The following CNTN3 variants were observed in gnomAD, a reference collection of about 807,000 sequenced individuals.
The protein encoded by CNTN3 is contactin-3.
In CNTN3, 60 loss-of-function variants were observed where a neutral mutation model predicts 119.1. The ratio of observed to expected loss-of-function variants is 0.50; its 90% CI spans 0.41 to 0.62. The LOEUF is 0.62. CNTN3 is among the 20% of genes least tolerant of loss of function. The probability of loss-of-function intolerance (pLI) is 0.00; values close to 1 mark genes in which losing one functional copy is unlikely to be tolerated. For synonymous variants in CNTN3, 450 were observed against 438.7 expected, an observed-to-expected ratio of 1.03 and a Z score of -0.32; for missense variants, 1,101 against 1,242.4, an observed-to-expected ratio of 0.89 and a Z score of 1.71.
chr3:74,440,338 C>T (rs1035800354), intron 4 of CNTN3, among the ~76,000 whole-genome samples: 1 of 152,108 alleles, frequency 6.6e-6, no homozygotes, highest in Admixed American at 6.5e-5. Context: ...TCTTATACCC[C>T]TATATTAATC....
chr3:74,528,892 T>C (rs988718695), intron 1 of CNTN3, among the ~76,000 whole-genome samples: 4 of 151,834 alleles, frequency 2.6e-5, no homozygotes, highest in Non-Finnish European at 4.4e-5. Flanking sequence ...ATCCCTATAA[T>C]AGGCACGAAT....
At chr3:74,318,649 C>T (rs1478141775) in intron 13 of CNTN3, among the ~76,000 whole-genome samples, 1 of 152,144 alleles carries the variant, frequency 6.6e-6, no homozygotes, top group African/African-American at 2.4e-5. Flanking sequence ...GGCTGCAGAA[C>T]AGCGGTGGCT....
intron 5 of CNTN3, among the ~76,000 whole-genome samples, chr3:74,392,426 C>T (rs528604757): frequency 1.4e-4 from 21 of 150,650 alleles, no homozygotes; most frequent in Middle Eastern, 3.4e-3. Context: ...TTTCTTTCTT[C>T]CTTCCTTTCA....
At chr3:74,582,110 T>G (rs565006165) in intron 1 of CNTN3, among the ~76,000 whole-genome samples, 1 of 152,166 alleles carries the variant, frequency 6.6e-6, no homozygotes, top group East Asian at 1.9e-4. Flanking sequence ...TTTCTTCTCA[T>G]AAAAATATCA....
At chr3:74,489,749 T>C (rs963041511) in intron 3 of CNTN3, among the ~76,000 whole-genome samples, 1 of 150,328 alleles carries the variant, frequency 6.7e-6, no homozygotes, top group African/African-American at 2.4e-5. Context: ...TGACACCCAC[T>C]GCATGACCAT....
At chr3:74,547,530 C>T (rs563891944) in intron 1 of CNTN3, among the ~76,000 whole-genome samples, 1 of 152,244 alleles carries the variant, frequency 6.6e-6, no homozygotes, top group African/African-American at 2.4e-5. Flanking sequence ...CAAATGTTAT[C>T]ACTTTTTTAC....
chr3:74,601,767 C>T (rs1368633374), intron 1 of CNTN3, among the ~76,000 whole-genome samples: 2 of 151,946 alleles, frequency 1.3e-5, no homozygotes, highest in African/African-American at 4.8e-5. Flanking sequence ...TTGTTATGGC[C>T]AACAGTATGA....
chr3:74,436,831 A>G lies in CNTN3; in HGVS notation c.359-11891T>C, dbSNP rs369109391. 7.2e-5 allele frequency among the ~76,000 whole-genome samples: 11 copies of G among 152,310 alleles called. No individual in the cohort carries two copies. In the East Asian group the frequency reaches 1.7e-3, roughly 24 times the overall value. On this transcript the variant is annotated intron_variant, in intron 4 of 22. Transcript: ENST00000263665. ...TTCAGAAATATTTTTTAAATAACTC[A>G]ATTGCAAAGTAAAACAGCAATTGGA...
chr3:74,563,265 C>T (rs989605042), intron 1 of CNTN3, among the ~76,000 whole-genome samples: 5 of 152,090 alleles, frequency 3.3e-5, no homozygotes, highest in Admixed American at 2.0e-4. Context: ...ACCCAGTAAG[C>T]CCAAAGTGGG....
intron 5 of CNTN3, among the ~76,000 whole-genome samples, chr3:74,419,457 G>C (rs2106886874): frequency 6.6e-6 from 1 of 152,224 alleles, no homozygotes; most frequent in African/African-American, 2.4e-5. Context: ...TGGGCATGTT[G>C]CTAACAGTTC....
chr3:74,425,637 C>T (rs547749710), intron 4 of CNTN3, among the ~76,000 whole-genome samples: 1 of 152,180 alleles, frequency 6.6e-6, no homozygotes, highest in Non-Finnish European at 1.5e-5. Context: ...ATGACTTTCA[C>T]ATTCACCAGT....
At chr3:74,593,118 TGA>T (rs1243504076) in intron 1 of CNTN3, among the ~76,000 whole-genome samples, 2 of 151,978 alleles carry the variant, frequency 1.3e-5, no homozygotes, top group Admixed American at 6.6e-5. Flanking sequence ...GCAAATTAAC[TGA>T]GAGTTTTATA....
At chr3:74,377,991 A>G (rs1002268042) in intron 5 of CNTN3, among the ~76,000 whole-genome samples, 1 of 152,252 alleles carries the variant, frequency 6.6e-6, no homozygotes, top group African/African-American at 2.4e-5. Context: ...AATTCTGTCA[A>G]ACAAAATTGC....
Position 74,505,345 on chromosome 3 carries a change from C to T in CNTN3, c.56-5560G>A, listed in dbSNP as rs147553701. Among the ~76,000 whole-genome samples the T allele has an allele frequency of 1.2e-4, 18 of 152,160 alleles. 1 individual carries two copies. The highest frequency in any genetic ancestry group is 3.9e-4 in the African/African-American group (16 of 41,516). ...ATTTTGTTTTGAAGTAAATAAAATG[C>T]TGACCTTGCTTTGCTTCCTTTTTGA... On this transcript the variant is annotated intron_variant, in intron 2 of 22. Coordinates refer to ENST00000263665, the MANE Select transcript of CNTN3 (RefSeq NM_020872.3).
intron 13 of CNTN3, among the ~76,000 whole-genome samples, chr3:74,320,278 A>C (rs538148930): frequency 6.6e-6 from 1 of 152,218 alleles, no homozygotes; most frequent in African/African-American, 2.4e-5. Context: ...CAAATGTCCA[A>C]CAACGATAGA....
intron 4 of CNTN3, 140 bp downstream of exon 4, chr3:74,486,316 A>C (rs1170012397): frequency 1.3e-6 from 1 of 745,248 alleles, no homozygotes; most frequent in Non-Finnish European, 2.1e-6. Context: ...AATGTCCAAA[A>C]ATCATACTGA....
Position 74,460,756 on chromosome 3 carries a change from TTTTA to T in CNTN3, c.358+25696_358+25699del, listed in dbSNP as rs375058177. On this transcript the variant is annotated intron_variant, in intron 4 of 22. Transcript: ENST00000263665. ...AGTTACCATCTAAAAGTAGAGATAG[TTTTA>T]TTTCTTATTTTCATATATATATATA... Among the ~76,000 whole-genome samples the T allele has an allele frequency of 2.0e-3, 267 of 135,976 alleles. 10 individuals are homozygous for T. In the East Asian group the frequency reaches 0.048, roughly 24 times the overall value. 89.2% of individuals were successfully genotyped at this position (135,976 alleles called of 152,430 possible).
intron 13 of CNTN3, among the ~76,000 whole-genome samples, chr3:74,307,381 C>T (rs1702585717): frequency 1.3e-5 from 2 of 152,178 alleles, no homozygotes; most frequent in African/African-American, 4.8e-5. Context: ...TCTAATCACA[C>T]AGGTTTGTCT....
chr3:74,499,181 C>T (rs10865684), intron 3 of CNTN3, among the ~76,000 whole-genome samples: 135,038 of 151,738 alleles, frequency 0.89, 60,406 homozygotes, highest in Non-Finnish European at 0.94. Context: ...AAATGAAATA[C>T]GTTTTCTCTT....
Sources: gnomAD v4.1 joint callset for allele counts (sites outside exome capture counted in the v4.1 genomes callset) on GRCh38, gnomAD v4.1.1 for gene constraint, MANE v1.5 for transcripts, NCBI Gene and HGNC (gene_info 2026-07-23, HGNC 2026-07-21) for gene names.